The following ROBO1 variants were observed in gnomAD, a reference collection of about 807,000 sequenced individuals.
ROBO1 encodes roundabout guidance receptor 1, also known as roundabout homolog 1.
ROBO1 carries 149 observed loss-of-function variants against 195.9 expected under a neutral mutation model. The observed-to-expected ratio is 0.76, with a 90% CI of 0.67 to 0.87. The LOEUF is 0.87. Among genes scored for constraint, ROBO1 ranks in the 40% least tolerant of loss-of-function variants. ROBO1 has a pLI of 0.00. For missense variants in ROBO1, 1,933 were observed against 2,068.3 expected (o/e 0.93, Z 1.27); for synonymous variants, 816 against 733.2 (o/e 1.11, Z -1.82).
chr3:79,531,369 C>G (rs370801351), intron 2 of ROBO1, among the ~76,000 whole-genome samples: 1 of 151,894 alleles, frequency 6.6e-6, no homozygotes, highest in South Asian at 2.1e-4. Flanking sequence ...GGCCTGTAAT[C>G]CCCAGCACTT....
intron 14 of ROBO1, among the ~76,000 whole-genome samples, chr3:78,663,191 T>C (rs1707531426): frequency 6.6e-6 from 1 of 151,808 alleles, no homozygotes; most frequent in South Asian, 2.1e-4. Flanking sequence ...AAGAATGAGA[T>C]CGCTAAGTAT....
chr3:78,982,365 CAGTT>C (rs2077015252), intron 3 of ROBO1, among the ~76,000 whole-genome samples: 1 of 152,148 alleles, frequency 6.6e-6, no homozygotes, highest in Non-Finnish European at 1.5e-5. Flanking sequence ...CATCCATTGT[CAGTT>C]AATTACAGTG....
intron 2 of ROBO1, among the ~76,000 whole-genome samples, chr3:79,542,799 T>A (rs756605247): frequency 5.9e-5 from 9 of 152,058 alleles, no homozygotes; most frequent in Non-Finnish European, 1.3e-4. Context: ...GTTCCTTTCC[T>A]ACTTCTTTAT....
At chr3:78,956,611 T>C (rs1452356392) in intron 3 of ROBO1, among the ~76,000 whole-genome samples, 1 of 152,116 alleles carries the variant, frequency 6.6e-6, no homozygotes, top group East Asian at 1.9e-4. Flanking sequence ...TAATCAATAA[T>C]AATGGAAGAA....
At chr3:79,129,131 T>C (rs2080274564) in intron 2 of ROBO1, among the ~76,000 whole-genome samples, 1 of 152,190 alleles carries the variant, frequency 6.6e-6, no homozygotes, top group Admixed American at 6.6e-5. Flanking sequence ...CTTCACACTT[T>C]TTCTCACTCA....
At chr3:79,536,208 A>T (rs542367659) in intron 2 of ROBO1, among the ~76,000 whole-genome samples, 1 of 152,246 alleles carries the variant, frequency 6.6e-6, no homozygotes, top group South Asian at 2.1e-4. Flanking sequence ...TATATCCCAG[A>T]TATCTTTCCA....
At chr3:79,417,044 G>A (rs2038033753) in intron 2 of ROBO1, among the ~76,000 whole-genome samples, 1 of 152,118 alleles carries the variant, frequency 6.6e-6, no homozygotes, top group Non-Finnish European at 1.5e-5. Context: ...AAAAAAATTA[G>A]CAGAACTCGC....
intron 2 of ROBO1, among the ~76,000 whole-genome samples, chr3:79,448,535 T>C (rs2039340988): frequency 2.0e-5 from 3 of 152,164 alleles, no homozygotes; most frequent in African/African-American, 7.2e-5. Context: ...TGTCCTCCAT[T>C]ATACTGAAGT....
At chr3:78,664,082 A>G (rs1257301742) in intron 14 of ROBO1, among the ~76,000 whole-genome samples, 1 of 152,180 alleles carries the variant, frequency 6.6e-6, no homozygotes, top group Non-Finnish European at 1.5e-5. Flanking sequence ...TATAATAGAA[A>G]TGTTCACAGC....
chr3:78,617,591 A>G lies in ROBO1; in HGVS notation c.4282+44T>C, dbSNP rs186873914. 436 of 1,550,554 alleles carry G rather than the reference A, an allele frequency of 2.8e-4. 2 individuals are homozygous for G. In the Middle Eastern group the frequency reaches 0.015, roughly 52 times the overall value. On this transcript the variant is annotated intron_variant, in intron 27 of 30. Transcript: ENST00000464233. The stretch of plus-strand genomic sequence containing the variant: ...CAGAATCAGCAACAAACATATATAC[A>G]TTGAGTTTTCTTTCCCAGCTTGGTG...
chr3:79,056,418 G>A lies in ROBO1; in HGVS notation c.172+69038C>T, dbSNP rs879390167. On this transcript the variant is annotated intron_variant, in intron 3 of 30. Transcript: ENST00000464233. ...AAATTTTGAGCTGCCATGTTACAGA[G>A]GCTGGATTACACATCGCTCAGGAGA... Among the ~76,000 whole-genome samples, 10 of 151,984 alleles carry A rather than the reference G, an allele frequency of 6.6e-5. No homozygotes were observed. The East Asian group carries it at 1.9e-3, about 30-fold the overall frequency.
rs555423644 is a variant in ROBO1, at chr3:79,039,892, A to G, written c.172+85564T>C. Among the ~76,000 whole-genome samples, 7 of 151,666 alleles carry G rather than the reference A, an allele frequency of 4.6e-5. No individual in the cohort carries two copies. The South Asian group carries it at 1.5e-3, about 32-fold the overall frequency. ...TCAGTCTCAGTTTTCTCGTTTGTAAAATGAGGACAATAATAACTTCCTTTC... is the reference window on the plus strand; with the variant it reads ...TCAGTCTCAGTTTTCTCGTTTGTAAGATGAGGACAATAATAACTTCCTTTC... On this transcript the variant is annotated intron_variant, in intron 3 of 30. Coordinates refer to ENST00000464233, the MANE Select transcript of ROBO1 (RefSeq NM_002941.4).
intron 2 of ROBO1, among the ~76,000 whole-genome samples, chr3:79,270,865 C>G (rs1004853393): frequency 3.3e-5 from 5 of 151,902 alleles, no homozygotes; most frequent in African/African-American, 1.2e-4. Flanking sequence ...CACAAACTCT[C>G]ATATAATGTA....
At chr3:79,652,827 CTTTCTGTTT>C (rs1946050872) in intron 1 of ROBO1, among the ~76,000 whole-genome samples, 1 of 151,944 alleles carries the variant, frequency 6.6e-6, no homozygotes, top group South Asian at 2.1e-4. Flanking sequence ...TGTTCTCTTA[CTTTCTGTTT>C]TCTAAATTAG....
intron 2 of ROBO1, among the ~76,000 whole-genome samples, chr3:79,291,949 T>C (rs1400089349): frequency 6.6e-6 from 1 of 152,214 alleles, no homozygotes; most frequent in Non-Finnish European, 1.5e-5. Context: ...TGATTCTAAG[T>C]TCTTAATTTT....
intron 4 of ROBO1, among the ~76,000 whole-genome samples, chr3:78,895,661 A>C (rs1051799813): frequency 3.3e-5 from 5 of 152,242 alleles, no homozygotes; most frequent in Admixed American, 3.3e-4. Context: ...CTTTGGCAAG[A>C]TTTGGCATTG....
intron 8 of ROBO1, among the ~76,000 whole-genome samples, chr3:78,709,951 G>T (rs1279779722): frequency 6.6e-6 from 1 of 152,074 alleles, no homozygotes; most frequent in African/African-American, 2.4e-5. Context: ...TTCCAAAATG[G>T]TCATAAATTT....
At chr3:79,270,179 TTC>T (rs138141200) in intron 2 of ROBO1, among the ~76,000 whole-genome samples, 27,103 of 140,450 alleles carry the variant, frequency 0.19, 3,060 homozygotes, top group Non-Finnish European at 0.27. Flanking sequence ...ATACATAATG[TTC>T]TCTCTCTCTC....
intron 4 of ROBO1, among the ~76,000 whole-genome samples, chr3:78,902,361 C>A (rs1017925056): frequency 1.3e-5 from 2 of 152,012 alleles, no homozygotes; most frequent in African/African-American, 4.8e-5. Context: ...GATTAAATTT[C>A]TTTCTTGACT....
Sources: allele counts gnomAD v4.1 joint callset (sites outside exome capture counted in the v4.1 genomes callset), GRCh38; gene constraint gnomAD v4.1.1; transcripts MANE v1.5; gene names NCBI Gene and HGNC (gene_info 2026-07-23, HGNC 2026-07-21).